The following LAMTOR1 variants were observed in gnomAD, a reference collection of about 807,000 sequenced individuals.
LAMTOR1 encodes the protein ragulator complex protein LAMTOR1.
In LAMTOR1, 8 loss-of-function variants were observed where a neutral mutation model predicts 20.5. The ratio of observed to expected loss-of-function variants is 0.39; its 90% CI spans 0.23 to 0.70. LAMTOR1 has a LOEUF of 0.70. Ranked by LOEUF, LAMTOR1 falls within the 30% of genes least tolerant of loss-of-function variation. The pLI is 0.43. For missense variants in LAMTOR1, 135 were observed against 206.2 expected, an observed-to-expected ratio of 0.65 and a Z score of 2.11; for synonymous variants, 77 against 80.9, an observed-to-expected ratio of 0.95 and a Z score of 0.26.
At position 72,098,310 on chromosome 11, in the gene LAMTOR1, G is replaced by A; in HGVS notation, c.372C>T (p.Ile124=). The change falls in exon 4 of 5, where the codon ATC becomes ATT. Residue 124 remains isoleucine (I), a synonymous_variant. Coordinates refer to ENST00000278671, the MANE Select transcript of LAMTOR1 (RefSeq NM_017907.3). The stretch of plus-strand genomic sequence containing the variant: ...TCACCTGCTGCAAATCAGAGAACGG[G>A]ATGGGCTCACTGGCCAGCACTTGGT... ...QPHQVLASEP[I]PFSDLQQVSR... 1 of 1,613,846 alleles carries A rather than the reference G, an allele frequency of 6.2e-7. No individual in the cohort carries two copies. The highest frequency in any genetic ancestry group is 8.5e-7 in the Non-Finnish European group (1 of 1,179,962).
intron 1 of LAMTOR1, among the ~76,000 whole-genome samples, chr11:72,101,855 G>A (rs918962455): frequency 6.6e-6 from 1 of 152,142 alleles, no homozygotes; most frequent in African/African-American, 2.4e-5. Flanking sequence ...TTTCTCATAC[G>A]GCATTAATCC....
At chr11:72,102,237 C>G (rs1945469331) in intron 1 of LAMTOR1, among the ~76,000 whole-genome samples, 1 of 152,236 alleles carries the variant, frequency 6.6e-6, no homozygotes, top group Non-Finnish European at 1.5e-5. Flanking sequence ...TCTACTCTCT[C>G]AGGTCTACTA....
At chr11:72,102,052 T>G (rs552295195) in intron 1 of LAMTOR1, among the ~76,000 whole-genome samples, 2 of 152,306 alleles carry the variant, frequency 1.3e-5, no homozygotes, top group African/African-American at 4.8e-5. Flanking sequence ...ATTGGGTGTA[T>G]GGAGAATTGA....
chr11:72,101,790 G>A (rs1945450985), intron 1 of LAMTOR1, among the ~76,000 whole-genome samples: 2 of 152,134 alleles, frequency 1.3e-5, no homozygotes, highest in South Asian at 2.1e-4. Flanking sequence ...GGAGAAGGTA[G>A]AGATTCAGGA....
intron 4 of LAMTOR1, 120 bp from the exon 5 acceptor site, chr11:72,098,034 G>A: frequency 7.8e-7 from 1 of 1,285,536 alleles, no homozygotes; most frequent in Non-Finnish European, 1.1e-6. Context: ...GGAACAGGAA[G>A]GCAAAGAGAA....
chr11:72,097,562 C>T lies in LAMTOR1; in HGVS notation c.*260G>A. 1.6e-6 allele frequency: 2 copies of T among 1,270,248 alleles called. No individual in the cohort carries two copies. The highest frequency in any genetic ancestry group is 1.0e-6 in the Non-Finnish European group (1 of 999,526). The allele number at this position is 1,270,248 out of a possible 1,614,324, so 78.7% of individuals were successfully genotyped here. On this transcript the variant is annotated 3_prime_UTR_variant, in exon 5 of 5. Transcript: ENST00000278671. ...ACCCAAACTGGTATCTCCACATTCT[C>T]AATGACTATGAAGACATACCAGGCT...
At chr11:72,099,349 C>T in intron 1 of LAMTOR1, 93 bp from the exon 2 acceptor site, 1 of 1,372,734 alleles carries the variant, frequency 7.3e-7, no homozygotes, top group Non-Finnish European at 9.8e-7. Context: ...ACCTTAAACA[C>T]CAAAAATGTT....
At chr11:72,099,514 A>G (rs553863659) in intron 1 of LAMTOR1, among the ~76,000 whole-genome samples, 4 of 152,328 alleles carry the variant, frequency 2.6e-5, no homozygotes, top group African/African-American at 9.6e-5. Flanking sequence ...ACAGAGGCAC[A>G]AAGCAGGTAG....
At chr11:72,100,882 T>C (rs1156437527) in intron 1 of LAMTOR1, among the ~76,000 whole-genome samples, 3 of 152,262 alleles carry the variant, frequency 2.0e-5, no homozygotes, top group Non-Finnish European at 2.9e-5. Context: ...GCTGTGGGCT[T>C]TGCCCCATCA....
chr11:72,099,161 A>C lies in LAMTOR1; in HGVS notation c.138T>G (p.Ala46=), dbSNP rs1945345656. The part of the protein sequence containing the change: ...AEPNYHSLPS[A]RTDEQALLSS... Reference sequence around the variant, plus strand: ...AGAGCAGGGCCTGCTCATCAGTGCGAGCGGAAGGCAGGCTGTGGTAGTTGG... The same window carrying C: ...AGAGCAGGGCCTGCTCATCAGTGCGCGCGGAAGGCAGGCTGTGGTAGTTGG... Residue 46 remains alanine, a synonymous_variant, in exon 2 of 5, where the codon GCT becomes GCG. Coordinates refer to ENST00000278671, the MANE Select transcript of LAMTOR1 (RefSeq NM_017907.3). 6.2e-7 allele frequency: 1 copy of C among 1,613,822 alleles called. No individual in the cohort carries two copies. The highest frequency in any genetic ancestry group is 8.5e-7 in the Non-Finnish European group (1 of 1,179,868).
At chr11:72,099,297 T>C in intron 1 of LAMTOR1, 41 bp from the exon 2 acceptor site, 1 of 1,512,438 alleles carries the variant, frequency 6.6e-7, no homozygotes, top group Non-Finnish European at 8.9e-7. Context: ...CCAGGACCCG[T>C]AGATCCTGCC....
rs1240945414 is a variant in LAMTOR1, at chr11:72,098,827, G to C, written c.220C>G (p.Gln74Glu). Reference protein sequence around the residue: ...NIIDVSAADSQGMEQHEYMDR... With the variant: ...NIIDVSAADSEGMEQHEYMDR... ...ATGTACTCATGCTGCTCCATGCCCT[G>C]TGAGTCTGCAGCAGACACATCAATG... Residue 74 changes from glutamine to glutamate, a missense_variant, in exon 3 of 5, where the codon CAG becomes GAG. By Grantham distance (29) the Gln-to-Glu change is conservative (BLOSUM62 2). Transcript: ENST00000278671. 7 of 1,551,062 alleles carry C rather than the reference G, an allele frequency of 4.5e-6. No individual in the cohort carries two copies. Among genetic ancestry groups the C allele is most frequent in the Admixed American group, 2.0e-5 (1 of 50,932 alleles).
Position 72,097,369 on chromosome 11 carries a change from A to G in LAMTOR1, c.*453T>C. The G allele has an allele frequency of 1.0e-6, 1 of 998,514 alleles. No homozygotes were observed. The highest frequency in any genetic ancestry group is 1.2e-6 in the Non-Finnish European group (1 of 836,814). The allele number at this position is 998,514 out of a possible 1,614,324, so 61.9% of individuals were successfully genotyped here. ...CAAACATGTAAAAACCCAGGGTTCTAGAAATACAAACTCAATTCATTCAAA... is the reference window on the plus strand; with the variant it reads ...CAAACATGTAAAAACCCAGGGTTCTGGAAATACAAACTCAATTCATTCAAA... On this transcript the variant is annotated 3_prime_UTR_variant, in exon 5 of 5. Coordinates refer to ENST00000278671, the MANE Select transcript of LAMTOR1 (RefSeq NM_017907.3).
intron 1 of LAMTOR1, among the ~76,000 whole-genome samples, chr11:72,101,267 TGGGTTA>T (rs143211479): frequency 0.11 from 17,299 of 152,200 alleles, 1,240 homozygotes; most frequent in East Asian, 0.23. Flanking sequence ...GAGTGGAGCA[TGGGTTA>T]GGTTTGTCAC....
intron 1 of LAMTOR1, among the ~76,000 whole-genome samples, chr11:72,102,197 C>T (rs1456937347): frequency 6.6e-6 from 1 of 152,198 alleles, no homozygotes; most frequent in Non-Finnish European, 1.5e-5. Flanking sequence ...GACCATCTTC[C>T]CCATTAGACC....
Position 72,097,584 on chromosome 11 carries a change from G to A in LAMTOR1, c.*238C>T, listed in dbSNP as rs911870171. On this transcript the variant is annotated 3_prime_UTR_variant, in exon 5 of 5. Coordinates refer to ENST00000278671, the MANE Select transcript of LAMTOR1 (RefSeq NM_017907.3). ...TCTCAATGACTATGAAGACATACCA[G>A]GCTCTGTCCTTTTGGCCCCCACCCC... 1 of 1,343,786 alleles carries A rather than the reference G, an allele frequency of 7.4e-7. No individual in the cohort carries two copies. The highest frequency in any genetic ancestry group is 3.0e-5 in the East Asian group (1 of 32,970). The allele number at this position is 1,343,786 out of a possible 1,614,324, so 83.2% of individuals were successfully genotyped here.
intron 4 of LAMTOR1, 88 bp downstream of exon 4, chr11:72,098,201 A>G: frequency 6.5e-7 from 1 of 1,539,160 alleles, no homozygotes. Flanking sequence ...CACCTTCCCT[A>G]CCTCCTCTGA....
intron 1 of LAMTOR1, among the ~76,000 whole-genome samples, chr11:72,099,712 G>A (rs528883323): frequency 3.9e-5 from 6 of 152,270 alleles, no homozygotes; most frequent in South Asian, 2.1e-4. Context: ...AAAGCTGTTC[G>A]CTTCCAAGAT....
chr11:72,102,609 CCAGA>C (rs1306680421), intron 1 of LAMTOR1, among the ~76,000 whole-genome samples: 32 of 152,310 alleles, frequency 2.1e-4, no homozygotes, highest in South Asian at 2.1e-3. Flanking sequence ...TTGTTGCTTC[CCAGA>C]CAATTTCCCA....
Sources: gnomAD v4.1 joint callset for allele counts (sites outside exome capture counted in the v4.1 genomes callset) on GRCh38, gnomAD v4.1.1 for gene constraint, MANE v1.5 for transcripts, NCBI Gene and HGNC (gene_info 2026-07-23, HGNC 2026-07-21) for gene names.